Variants in LRRC4C observed in about 807,000 individuals in gnomAD.
LRRC4C encodes the protein leucine rich repeat containing 4C, also known as leucine-rich repeat-containing protein 4C.
Under a neutral mutation model 33.6 loss-of-function variants are expected in LRRC4C, and 5 were observed. The ratio of observed to expected loss-of-function variants is 0.15; its 90% CI spans 0.08 to 0.31. The LOEUF is 0.31. LRRC4C is among the 10% of genes least tolerant of loss of function. The pLI is 1.00. For synonymous variants in LRRC4C, 329 were observed against 302.0 expected (o/e 1.09, Z -0.93); for missense variants, 560 against 796.7 (o/e 0.70, Z 3.58).
At chr11:40,401,181 C>T (rs771432294) in intron 3 of LRRC4C, among the ~76,000 whole-genome samples, 2 of 151,706 alleles carry the variant, frequency 1.3e-5, no homozygotes, top group Admixed American at 6.6e-5. Context: ...AAAAAAATTT[C>T]CTGATTTGTA....
chr11:40,572,304 G>A (rs1182783165), intron 3 of LRRC4C, among the ~76,000 whole-genome samples: 1 of 152,140 alleles, frequency 6.6e-6, no homozygotes, highest in Non-Finnish European at 1.5e-5. Flanking sequence ...GCCATAATTA[G>A]GCCCTGCCTA....
chr11:40,454,993 C>T lies in LRRC4C; in HGVS notation c.-269-135272G>A, dbSNP rs138371501. On this transcript the variant is annotated intron_variant, in intron 3 of 6. Transcript: ENST00000528697. ...ATTATCCTTTTAAATGGGAGCAACA[C>T]GTCAGAAATAGCCCAAAGCCTTGGG... is the stretch of plus-strand genomic sequence containing the variant. Among the ~76,000 whole-genome samples, 643 of 152,130 alleles carry T rather than the reference C, an allele frequency of 4.2e-3. 3 individuals carry two copies. Among genetic ancestry groups the T allele is most frequent in the Non-Finnish European group, 7.1e-3 (481 of 67,994 alleles).
intron 1 of LRRC4C, among the ~76,000 whole-genome samples, chr11:41,440,727 G>A (rs1198526412): frequency 6.6e-6 from 1 of 152,060 alleles, no homozygotes; most frequent in Non-Finnish European, 1.5e-5. Context: ...CCCCCTTGCT[G>A]TTCTCATGAC....
chr11:41,329,855 A>G (rs1951238734), intron 1 of LRRC4C, among the ~76,000 whole-genome samples: 1 of 152,184 alleles, frequency 6.6e-6, no homozygotes, highest in African/African-American at 2.4e-5. Flanking sequence ...CATGAGGAGG[A>G]ATTGTGCCAA....
In LRRC4C at chr11:41,091,684, C is replaced by T. The variant is rs537668911; in HGVS notation, c.-495-157961G>A. On this transcript the variant is annotated intron_variant, in intron 1 of 6. Transcript: ENST00000528697. ...TAAAAGTATAATAAATAGACATTCACGTAATGAGATATGTACATCATATAC... is the reference window on the plus strand; with the variant it reads ...TAAAAGTATAATAAATAGACATTCATGTAATGAGATATGTACATCATATAC... 1.5e-3 allele frequency among the ~76,000 whole-genome samples: 227 copies of T among 152,114 alleles called. 1 individual carries two copies. The highest frequency in any genetic ancestry group is 2.2e-3 in the Admixed American group (34 of 15,260).
intron 2 of LRRC4C, among the ~76,000 whole-genome samples, chr11:40,711,189 G>A (rs1015132684): frequency 5.9e-5 from 9 of 152,146 alleles, no homozygotes; most frequent in South Asian, 2.1e-4. Context: ...CTTGCCCTCC[G>A]TGGGCTGCAC....
At chr11:41,221,547 T>C (rs1453227115) in intron 1 of LRRC4C, among the ~76,000 whole-genome samples, 1 of 152,164 alleles carries the variant, frequency 6.6e-6, no homozygotes, top group Non-Finnish European at 1.5e-5. Flanking sequence ...ATCCCATTAC[T>C]AGCTATATAC....
chr11:40,822,163 C>T (rs557545509), intron 2 of LRRC4C, among the ~76,000 whole-genome samples: 2 of 151,786 alleles, frequency 1.3e-5, no homozygotes, highest in Admixed American at 6.6e-5. Flanking sequence ...CACAACTAAA[C>T]TTCCTAGGTT....
At position 41,091,758 on chromosome 11, in the gene LRRC4C, A is replaced by G. The variant is rs144252640; in HGVS notation, c.-495-158035T>C. 2.5e-3 allele frequency among the ~76,000 whole-genome samples: 382 copies of G among 152,246 alleles called. 3 individuals are homozygous for G. The highest frequency in any genetic ancestry group is 4.2e-3 in the Non-Finnish European group (284 of 67,994). ...AATGACAAATATTTCTTCTATTTTT[A>G]TTAATAATAGTTAACATTTTTGAAC... On this transcript the variant is annotated intron_variant, in intron 1 of 6. Coordinates refer to ENST00000528697, the MANE Select transcript of LRRC4C (RefSeq NM_001258419.2).
At chr11:40,645,047 A>G (rs1430851942) in intron 3 of LRRC4C, among the ~76,000 whole-genome samples, 2 of 152,086 alleles carry the variant, frequency 1.3e-5, no homozygotes, top group East Asian at 3.9e-4. Flanking sequence ...ACATATTTGT[A>G]TCTCTACTGC....
chr11:40,660,714 A>G (rs1455992242), intron 2 of LRRC4C, among the ~76,000 whole-genome samples: 1 of 152,170 alleles, frequency 6.6e-6, no homozygotes, highest in Non-Finnish European at 1.5e-5. Context: ...GTATCAATAA[A>G]TGCAATCATC....
chr11:40,820,940 C>G (rs1210835736), intron 2 of LRRC4C, among the ~76,000 whole-genome samples: 1 of 151,588 alleles, frequency 6.6e-6, no homozygotes, highest in South Asian at 2.1e-4. Flanking sequence ...CTGGAACAAA[C>G]AAAGAAGTAA....
rs968590967 is a variant in LRRC4C, at chr11:40,915,445, A to C, written c.-407+18190T>G. ...AACCTGACAAAAACAAGAAATGAGA[A>C]AAGGATTCCCTATTTAATAAATGGT... On this transcript the variant is annotated intron_variant, in intron 2 of 6. Coordinates refer to ENST00000528697, the MANE Select transcript of LRRC4C (RefSeq NM_001258419.2). Among the ~76,000 whole-genome samples the C allele has an allele frequency of 1.5e-4, 23 of 152,342 alleles. No homozygotes were observed. In the East Asian group the frequency reaches 2.1e-3, roughly 14 times the overall value.
chr11:40,483,204 A>C (rs557254238), intron 3 of LRRC4C, among the ~76,000 whole-genome samples: 2 of 152,298 alleles, frequency 1.3e-5, no homozygotes, highest in South Asian at 4.1e-4. Flanking sequence ...AGCACTGGGC[A>C]TCATCTTATG....
chr11:41,051,657 G>T (rs940808665), intron 1 of LRRC4C, among the ~76,000 whole-genome samples: 4 of 149,278 alleles, frequency 2.7e-5, no homozygotes, highest in African/African-American at 9.9e-5. Flanking sequence ...TCTAGTGACT[G>T]GCTTTTAGAT....
intron 4 of LRRC4C, among the ~76,000 whole-genome samples, chr11:40,261,822 A>T (rs2136265867): frequency 6.6e-6 from 1 of 152,338 alleles, no homozygotes; most frequent in East Asian, 1.9e-4. Context: ...CTTACACCTT[A>T]TACAAAAATT....
intron 1 of LRRC4C, among the ~76,000 whole-genome samples, chr11:41,399,028 T>G (rs1351533561): frequency 6.7e-6 from 1 of 150,102 alleles, no homozygotes. Flanking sequence ...AAAATAAGAT[T>G]TACAATACAC....
At chr11:41,013,931 A>G (rs1855395976) in intron 1 of LRRC4C, among the ~76,000 whole-genome samples, 1 of 152,104 alleles carries the variant, frequency 6.6e-6, no homozygotes, top group African/African-American at 2.4e-5. Context: ...CCAGATCTTG[A>G]GAGAACTCAT....
At chr11:40,851,793 A>T (rs1188319901) in intron 2 of LRRC4C, among the ~76,000 whole-genome samples, 5 of 152,114 alleles carry the variant, frequency 3.3e-5, no homozygotes, top group African/African-American at 1.2e-4. Context: ...TAAATAATAA[A>T]AAAGTATATG....
Sources: gnomAD v4.1 joint callset for allele counts (sites outside exome capture counted in the v4.1 genomes callset) on GRCh38, gnomAD v4.1.1 for gene constraint, MANE v1.5 for transcripts, NCBI Gene and HGNC (gene_info 2026-07-23, HGNC 2026-07-21) for gene names.